Variants in GRM5 observed in about 807,000 individuals in gnomAD.
The protein encoded by GRM5 is glutamate metabotropic receptor 5.
A neutral mutation model predicts 83.1 loss-of-function variants in GRM5; 19 were observed. The ratio of observed to expected loss-of-function variants is 0.23; its 90% CI spans 0.16 to 0.34. GRM5 has a LOEUF of 0.34. GRM5 is among the 10% of genes least tolerant of loss of function. The pLI is 1.00. For synonymous variants in GRM5, 675 were observed against 633.6 expected (o/e 1.07, Z -0.98); for missense variants, 1,160 against 1,588.3 (o/e 0.73, Z 4.58).
At position 88,836,813 on chromosome 11, in the gene GRM5, AAAACAAAAAC is replaced by A. The variant is rs201153242; in HGVS notation, c.911+13083_911+13092del. 9.2e-3 allele frequency among the ~76,000 whole-genome samples: 1,404 copies of A among 152,248 alleles called. 22 individuals carry two copies. The highest frequency in any genetic ancestry group is 0.032 in the African/African-American group (1,327 of 41,522). On this transcript the variant is annotated intron_variant, in intron 3 of 9. Coordinates refer to ENST00000305447, the MANE Select transcript of GRM5 (RefSeq NM_001143831.3). ...GATTCTGTCTCAAAACAAAAAACAAAAAACAAAAACAAACAAAAACAAACAAACAAAAAAA... is the reference window on the plus strand; with the variant it reads ...GATTCTGTCTCAAAACAAAAAACAAAAAACAAAAACAAACAAACAAAAAAA...
At chr11:88,789,602 A>T (rs1806377920) in intron 3 of GRM5, among the ~76,000 whole-genome samples, 1 of 152,132 alleles carries the variant, frequency 6.6e-6, no homozygotes, top group South Asian at 2.1e-4. Context: ...TTTTAGAATG[A>T]TAGAAGTCTC....
chr11:88,524,561 G>C (rs553130990), intron 9 of GRM5, among the ~76,000 whole-genome samples: 8 of 152,164 alleles, frequency 5.3e-5, no homozygotes, highest in Non-Finnish European at 1.0e-4. Context: ...AATAAAGCAC[G>C]TTTATTTCAT....
chr11:88,880,552 T>C (rs1944935037), intron 2 of GRM5, among the ~76,000 whole-genome samples: 1 of 152,168 alleles, frequency 6.6e-6, no homozygotes, highest in African/African-American at 2.4e-5. Flanking sequence ...TACAATTCTT[T>C]CCTCATTTTA....
intron 3 of GRM5, among the ~76,000 whole-genome samples, chr11:88,786,220 G>T (rs980099987): frequency 2.0e-5 from 3 of 152,036 alleles, no homozygotes; most frequent in Admixed American, 2.0e-4. Flanking sequence ...AGGTAACACT[G>T]GGCATGTGTT....
At chr11:88,731,903 C>T (rs1347933599) in intron 3 of GRM5, among the ~76,000 whole-genome samples, 1 of 152,014 alleles carries the variant, frequency 6.6e-6, no homozygotes, top group Non-Finnish European at 1.5e-5. Flanking sequence ...AGGGTGTGTT[C>T]CAGCTGCAGG....
At chr11:88,982,603 CT>C (rs1939562901) in intron 2 of GRM5, among the ~76,000 whole-genome samples, 1 of 152,048 alleles carries the variant, frequency 6.6e-6, no homozygotes, top group East Asian at 1.9e-4. Context: ...ATACATGCAC[CT>C]GTACACACAA....
At chr11:88,849,794 C>T in intron 3 of GRM5, 112 bp downstream of exon 3, 2 of 991,834 alleles carry the variant, frequency 2.0e-6, no homozygotes, top group Non-Finnish European at 3.1e-6. Context: ...GCTCTATTTC[C>T]ACTGCACAGA....
At chr11:88,656,607 T>C (rs1939773043) in intron 3 of GRM5, among the ~76,000 whole-genome samples, 1 of 152,158 alleles carries the variant, frequency 6.6e-6, no homozygotes, top group South Asian at 2.1e-4. Context: ...TTCGTGTTTT[T>C]TATTGGTGAT....
chr11:88,760,285 T>C (rs1424841809), intron 3 of GRM5, among the ~76,000 whole-genome samples: 2 of 151,698 alleles, frequency 1.3e-5, no homozygotes, highest in South Asian at 4.2e-4. Context: ...AATTGGGGAG[T>C]TGGTTTTTTC....
chr11:88,754,176 T>C (rs907242751), intron 3 of GRM5, among the ~76,000 whole-genome samples: 8 of 152,064 alleles, frequency 5.3e-5, no homozygotes, highest in Middle Eastern at 3.2e-3. Flanking sequence ...AGCAAATTAA[T>C]GCAGGAACAG....
Position 88,730,021 on chromosome 11 carries a change from T to A in GRM5, c.912-76618A>T, listed in dbSNP as rs565626312. On this transcript the variant is annotated intron_variant, in intron 3 of 9. Transcript: ENST00000305447. ...AAAGCAATGGCAACAAAAGCCAAAATTGACAAATGGGATCTAATTAAACTA... is the reference window on the plus strand; with the variant it reads ...AAAGCAATGGCAACAAAAGCCAAAAATGACAAATGGGATCTAATTAAACTA... Among the ~76,000 whole-genome samples, 78 of 152,174 alleles carry A rather than the reference T, an allele frequency of 5.1e-4. No individual in the cohort carries two copies. In the South Asian group the frequency reaches 0.015, roughly 30 times the overall value.
At chr11:88,935,808 A>AT (rs1937874719) in intron 2 of GRM5, among the ~76,000 whole-genome samples, 1 of 151,954 alleles carries the variant, frequency 6.6e-6, no homozygotes, top group East Asian at 1.9e-4. Context: ...CGTTAATTAT[A>AT]TTTTTTGTTA....
rs1374614019 is a variant in GRM5 at position 88,638,160 on chromosome 11, T to G, written c.1147+15008A>C. On this transcript the variant is annotated intron_variant, in intron 4 of 9. Coordinates refer to ENST00000305447, the MANE Select transcript of GRM5 (RefSeq NM_001143831.3). ...TCACACTCTGGGGACTGTGGTGGGGTGGGGGGAGGGGGGAGGGATAGCTTT... is the reference window on the plus strand; with the variant it reads ...TCACACTCTGGGGACTGTGGTGGGGGGGGGGGAGGGGGGAGGGATAGCTTT... Among the ~76,000 whole-genome samples the G allele has an allele frequency of 9.2e-3, 640 of 69,770 alleles. 5 individuals carry two copies. The highest frequency in any genetic ancestry group is 0.014 in the South Asian group (24 of 1,674). 45.8% of individuals were successfully genotyped at this position (69,770 alleles called of 152,430 possible).
At chr11:88,665,031 T>G (rs1940004211) in intron 3 of GRM5, among the ~76,000 whole-genome samples, 1 of 152,180 alleles carries the variant, frequency 6.6e-6, no homozygotes, top group Admixed American at 6.5e-5. Flanking sequence ...GCACAATATT[T>G]AAACCCACTC....
chr11:88,984,138 T>C (rs1024174349), intron 2 of GRM5, among the ~76,000 whole-genome samples: 1 of 152,176 alleles, frequency 6.6e-6, no homozygotes, highest in Non-Finnish European at 1.5e-5. Flanking sequence ...TTAAGTTTAC[T>C]GTGTTTATAA....
intron 3 of GRM5, among the ~76,000 whole-genome samples, chr11:88,666,578 G>A (rs541144050): frequency 6.6e-6 from 1 of 152,132 alleles, no homozygotes. Context: ...ATCACAGGGG[G>A]GATCAAATTC....
intron 2 of GRM5, among the ~76,000 whole-genome samples, chr11:88,883,699 T>C (rs1449524670): frequency 6.6e-6 from 1 of 152,068 alleles, no homozygotes; most frequent in East Asian, 1.9e-4. Context: ...GTCCCTCCCA[T>C]CACAGGCCTG....
At chr11:89,020,643 C>T (rs534295374) in intron 2 of GRM5, among the ~76,000 whole-genome samples, 25 of 152,258 alleles carry the variant, frequency 1.6e-4, no homozygotes, top group African/African-American at 5.1e-4. Context: ...GACACAGAAC[C>T]GGAGGAACCA....
At chr11:88,786,899 C>A (rs891540671) in intron 3 of GRM5, among the ~76,000 whole-genome samples, 3 of 152,124 alleles carry the variant, frequency 2.0e-5, no homozygotes, top group Non-Finnish European at 2.9e-5. Context: ...ACATAAGAGG[C>A]AATCTATAAA....
Sources: gnomAD v4.1 joint callset for allele counts (sites outside exome capture counted in the v4.1 genomes callset) on GRCh38, gnomAD v4.1.1 for gene constraint, MANE v1.5 for transcripts, NCBI Gene and HGNC (gene_info 2026-07-23, HGNC 2026-07-21) for gene names.